The following GALNT13 variants were observed in gnomAD, a reference collection of about 807,000 sequenced individuals.
The protein encoded by GALNT13 is UDP-GalNAc:polypeptide N-acetylgalactosaminyltransferase 13.
A neutral mutation model predicts 64.2 loss-of-function variants in GALNT13; 28 were observed. That is an observed-to-expected ratio of 0.44 (90% CI 0.32 to 0.60). The LOEUF is 0.60. Ranked by LOEUF, GALNT13 falls within the 20% of genes least tolerant of loss-of-function variation. The pLI is 0.05. For missense variants in GALNT13, 577 were observed against 669.8 expected (o/e 0.86, Z 1.53); for synonymous variants, 214 against 224.6 (o/e 0.95, Z 0.42).
chr2:154,054,417 T>C (rs528195151), intron 3 of GALNT13, among the ~76,000 whole-genome samples: 1 of 152,136 alleles, frequency 6.6e-6, no homozygotes, highest in South Asian at 2.1e-4. Context: ...AAGATAAAAG[T>C]GATAAAAGGA....
the GALNT13 span, among the ~76,000 whole-genome samples, chr2:153,602,526 G>T: frequency 6.6e-6 from 1 of 151,734 alleles, no homozygotes. Flanking sequence ...TAGCCATGTG[G>T]ACATACGGGC....
chr2:153,936,224 A>G (rs1430665285), intron 2 of GALNT13, among the ~76,000 whole-genome samples: 3 of 152,226 alleles, frequency 2.0e-5, no homozygotes, highest in South Asian at 4.1e-4. Context: ...ATTAACAACT[A>G]TTTGCATAAC....
chr2:154,279,369 A>C (rs1691833729), intron 8 of GALNT13, among the ~76,000 whole-genome samples: 1 of 152,154 alleles, frequency 6.6e-6, no homozygotes, highest in Admixed American at 6.5e-5. Flanking sequence ...TGGAAAGAAG[A>C]AACTAAGGAT....
At chr2:153,662,865 T>G in the GALNT13 span, among the ~76,000 whole-genome samples, 1 of 152,280 alleles carries the variant, frequency 6.6e-6, no homozygotes, top group African/African-American at 2.4e-5. Flanking sequence ...TGCTCTCAAT[T>G]TCTGTGCACA....
intron 3 of GALNT13, among the ~76,000 whole-genome samples, chr2:154,032,911 TAC>T (rs1364597205): frequency 6.8e-6 from 1 of 146,672 alleles, no homozygotes; most frequent in Non-Finnish European, 1.5e-5. Context: ...CATGCAACCT[TAC>T]TAAAATCACG....
intron 4 of GALNT13, among the ~76,000 whole-genome samples, chr2:154,148,990 G>A (rs1027096443): frequency 3.9e-5 from 6 of 152,150 alleles, no homozygotes; most frequent in Admixed American, 3.9e-4. Context: ...TTTTAGACAT[G>A]AAGTCCCTGC....
intron 10 of GALNT13, among the ~76,000 whole-genome samples, chr2:154,405,008 CA>C (rs1202344868): frequency 6.6e-6 from 1 of 151,940 alleles, no homozygotes; most frequent in Admixed American, 6.6e-5. Context: ...ACTAGAAAAG[CA>C]TGACTGATGT....
At chr2:153,201,218 A>G in the GALNT13 span, among the ~76,000 whole-genome samples, 1 of 152,130 alleles carries the variant, frequency 6.6e-6, no homozygotes, top group Non-Finnish European at 1.5e-5. Context: ...AGCCCTGTAG[A>G]TGTGGCAATC....
At chr2:153,822,993 G>C in the GALNT13 span, among the ~76,000 whole-genome samples, 1 of 152,034 alleles carries the variant, frequency 6.6e-6, no homozygotes, top group Admixed American at 6.6e-5. Context: ...CAACCTGAGA[G>C]TCAATTCAAG....
chr2:153,484,078 G>GA, the GALNT13 span, among the ~76,000 whole-genome samples: 1 of 152,060 alleles, frequency 6.6e-6, no homozygotes. Context: ...TTTTAAATTA[G>GA]ATTTGAGATA....
At chr2:153,799,315 A>T in the GALNT13 span, among the ~76,000 whole-genome samples, 5 of 152,262 alleles carry the variant, frequency 3.3e-5, no homozygotes, top group South Asian at 6.2e-4. Flanking sequence ...TAGATCAGGG[A>T]TTCTTGGAAC....
intron 3 of GALNT13, among the ~76,000 whole-genome samples, chr2:154,064,902 A>G (rs1279548803): frequency 6.6e-6 from 1 of 152,124 alleles, no homozygotes; most frequent in Non-Finnish European, 1.5e-5. Context: ...GCTCAGCTGC[A>G]CTGGGGTGAA....
chr2:153,608,563 A>G, the GALNT13 span, among the ~76,000 whole-genome samples: 1 of 151,250 alleles, frequency 6.6e-6, no homozygotes, highest in African/African-American at 2.4e-5. Flanking sequence ...TGATAATATC[A>G]AAAGGATTTG....
chr2:153,714,224 C>A, the GALNT13 span, among the ~76,000 whole-genome samples: 1 of 152,144 alleles, frequency 6.6e-6, no homozygotes. Flanking sequence ...ACACATTTAT[C>A]ATTACCATAA....
the GALNT13 span, chr2:153,423,635 T>C: frequency 6.6e-6 from 1 of 151,864 alleles, no homozygotes; most frequent in Non-Finnish European, 1.5e-5. Flanking sequence ...TAAATTCATA[T>C]ATACAAACAG....
chr2:153,869,705 G>A (rs1050515475), upstream of GALNT13, among the ~76,000 whole-genome samples: 21 of 151,948 alleles, frequency 1.4e-4, no homozygotes, highest in African/African-American at 4.4e-4. Context: ...TTTATTATTC[G>A]TTTGTAATTA....
At chr2:153,524,289 T>A in the GALNT13 span, among the ~76,000 whole-genome samples, 23 of 151,994 alleles carry the variant, frequency 1.5e-4, no homozygotes, top group Non-Finnish European at 1.5e-5. Context: ...TTTTCTATGC[T>A]GGCTTCATAG....
chr2:153,869,421 C>T (rs1190670640), upstream of GALNT13, among the ~76,000 whole-genome samples: 1 of 152,050 alleles, frequency 6.6e-6, no homozygotes, highest in African/African-American at 2.4e-5. Context: ...GGAATATTTC[C>T]TCAGCTTTTC....
intron 3 of GALNT13, among the ~76,000 whole-genome samples, chr2:153,979,404 C>T (rs1241247257): frequency 2.6e-5 from 4 of 152,082 alleles, no homozygotes; most frequent in Non-Finnish European, 5.9e-5. Context: ...GAGGCACTTA[C>T]AACTAAATAT....
Sources: gnomAD v4.1 joint callset for allele counts (sites outside exome capture counted in the v4.1 genomes callset) on GRCh38, gnomAD v4.1.1 for gene constraint, MANE v1.5 for transcripts, NCBI Gene and HGNC (gene_info 2026-07-23, HGNC 2026-07-21) for gene names.